The following ARHGEF3 variants were observed in gnomAD, a reference collection of about 807,000 sequenced individuals.
ARHGEF3 encodes 59.8 kDA protein.
Under a neutral mutation model 63.2 loss-of-function variants are expected in ARHGEF3, and 28 were observed. The observed-to-expected ratio is 0.44, with a 90% CI of 0.33 to 0.61. The LOEUF (loss-of-function observed/expected upper bound fraction) is 0.61, where lower values mean the gene tolerates loss of function less well. Among genes scored for constraint, ARHGEF3 ranks in the 20% least tolerant of loss-of-function variants. The pLI is 0.03. For missense variants in ARHGEF3, 533 were observed against 659.3 expected (o/e 0.81, Z 2.10); for synonymous variants, 266 against 254.2 (o/e 1.05, Z -0.44).
intron 1 of ARHGEF3, chr3:57,073,695 A>C: frequency 6.2e-7 from 1 of 1,607,126 alleles, no homozygotes; most frequent in Non-Finnish European, 8.5e-7. Context: ...CTTGGGCCCC[A>C]TGTCCAGTTC....
Position 56,841,027 on chromosome 3 carries a change from T to C in ARHGEF3, c.192+41265A>G, listed in dbSNP as rs1208774966. Among the ~76,000 whole-genome samples, 3 of 152,162 alleles carry C rather than the reference T, an allele frequency of 2.0e-5. No individual in the cohort carries two copies. In the East Asian group the frequency reaches 5.8e-4, roughly 29 times the overall value. ...AGAATATGTCACCTGATCCTAAGAA[T>C]ATTTAAATTAGCATTTTGGGATGCA... is the stretch of plus-strand genomic sequence containing the variant. On this transcript the variant is annotated intron_variant, in intron 4 of 12. Transcript: ENST00000338458.
intron 2 of ARHGEF3, among the ~76,000 whole-genome samples, chr3:56,760,047 A>T (rs78301928): frequency 0.015 from 2,244 of 152,320 alleles, 46 homozygotes; most frequent in African/African-American, 0.051. Flanking sequence ...TGGACATTAA[A>T]ATTGTTTCCA....
intron 1 of ARHGEF3, among the ~76,000 whole-genome samples, chr3:57,052,552 C>A (rs1032475265): frequency 6.6e-6 from 1 of 152,068 alleles, no homozygotes; most frequent in Non-Finnish European, 1.5e-5. Context: ...CCACTTCAGC[C>A]TCCCAAAGTG....
At chr3:56,978,386 T>C (rs1701202478) in intron 2 of ARHGEF3, among the ~76,000 whole-genome samples, 1 of 152,348 alleles carries the variant, frequency 6.6e-6, no homozygotes, top group African/African-American at 2.4e-5. Context: ...CTGTCTAAAA[T>C]TTTATGACAT....
In ARHGEF3 at chr3:56,737,201, T is replaced by C. The variant is rs775754025; in HGVS notation, c.1025A>G (p.Lys342Arg). ...SRVLCCHGEL[K>R]NNRGVKLHVF... is the part of the protein sequence containing the mutation. ...ACTACTTACCACGCCCCGATTGTTC[T>C]TCAGTTCACCATGACAACACAAGAC... is the stretch of plus-strand genomic sequence containing the variant. Residue 342 changes from lysine (K) to arginine (R), a missense_variant, in exon 8 of 10, where the codon AAG becomes AGG. Around this residue, in one of 4 missense-constraint regions of ARHGEF3, gnomAD observed 151 missense variants for 190.7 expected, o/e 0.79. Coordinates refer to ENST00000296315, the MANE Select transcript of ARHGEF3 (RefSeq NM_019555.3). The C allele has an allele frequency of 5.0e-6, 8 of 1,613,920 alleles. No homozygotes were observed. The highest frequency in any genetic ancestry group is 6.8e-6 in the Non-Finnish European group (8 of 1,179,884).
rs200721143 is a variant in ARHGEF3 at position 56,974,677 on chromosome 3, C to G, written c.63-15788G>C. On this transcript the variant is annotated intron_variant, in intron 2 of 12. Coordinates refer to the ARHGEF3 transcript ENST00000338458. ...TTCTCCCTCTCCCCTCCCCCTGCCC[C>G]CCACATCCATCTGAATCATCGCACG... 3.5e-4 allele frequency among the ~76,000 whole-genome samples: 54 copies of G among 152,288 alleles called. No individual in the cohort carries two copies. The East Asian group carries it at 0.01, about 28-fold the overall frequency.
intron 4 of ARHGEF3, among the ~76,000 whole-genome samples, chr3:56,840,526 C>T (rs1257338735): frequency 6.6e-6 from 1 of 152,202 alleles, no homozygotes; most frequent in Admixed American, 6.5e-5. Flanking sequence ...TGTTTACAGA[C>T]CGTCTCTCAC....
chr3:57,042,663 TATATATATATATATATATATATATATATA>T (rs1560155818), intron 1 of ARHGEF3, among the ~76,000 whole-genome samples: 12 of 5,434 alleles, frequency 2.2e-3, no homozygotes, highest in African/African-American at 7.1e-3. Context: ...TATATATATA[TATATATATATATATATATATATATATATA>T]TATATATATT....
chr3:56,868,685 A>C (rs1478590900), intron 4 of ARHGEF3, among the ~76,000 whole-genome samples: 1 of 152,198 alleles, frequency 6.6e-6, no homozygotes, highest in Non-Finnish European at 1.5e-5. Context: ...ATTCTAAGAG[A>C]GAAAAATATT....
intron 2 of ARHGEF3, among the ~76,000 whole-genome samples, chr3:57,015,037 G>A (rs1438777513): frequency 6.7e-6 from 1 of 149,416 alleles, no homozygotes; most frequent in Non-Finnish European, 1.5e-5. Context: ...GCAAAAGTCT[G>A]CCAACAACCT....
At chr3:56,786,930 A>G (rs1219356029) in intron 1 of ARHGEF3, among the ~76,000 whole-genome samples, 1 of 151,544 alleles carries the variant, frequency 6.6e-6, no homozygotes, top group Non-Finnish European at 1.5e-5. Context: ...TTGGCTAGCC[A>G]TTGTAGAGTC....
At chr3:57,063,377 T>C (rs1460705728) in intron 1 of ARHGEF3, among the ~76,000 whole-genome samples, 1 of 152,106 alleles carries the variant, frequency 6.6e-6, no homozygotes, top group African/African-American at 2.4e-5. Context: ...CTTCAGAAGG[T>C]TCCCTCTGAC....
intron 4 of ARHGEF3, 111 bp downstream of exon 4, chr3:56,753,393 G>T: frequency 1.1e-6 from 1 of 887,310 alleles, no homozygotes; most frequent in South Asian, 1.6e-5. Flanking sequence ...TGTGGTAGCA[G>T]ACCAGTCTTA....
At chr3:56,833,557 TCCAG>T (rs2038999945) in intron 4 of ARHGEF3, among the ~76,000 whole-genome samples, 1 of 151,896 alleles carries the variant, frequency 6.6e-6, no homozygotes, top group African/African-American at 2.4e-5. Flanking sequence ...CTGAACTGTA[TCCAG>T]CCTTCCCTAC....
intron 3 of ARHGEF3, among the ~76,000 whole-genome samples, chr3:56,909,510 T>G (rs920947941): frequency 3.9e-5 from 6 of 152,178 alleles, no homozygotes; most frequent in Non-Finnish European, 8.8e-5. Flanking sequence ...TATCAGAAGA[T>G]CACAAGCATT....
At chr3:57,021,324 A>C (rs1034393168) in intron 2 of ARHGEF3, among the ~76,000 whole-genome samples, 4 of 147,422 alleles carry the variant, frequency 2.7e-5, no homozygotes, top group Non-Finnish European at 6.0e-5. Flanking sequence ...TTAACAAAAC[A>C]AGAATGGAAT....
intron 1 of ARHGEF3, among the ~76,000 whole-genome samples, chr3:56,776,565 T>C (rs533440285): frequency 2.6e-5 from 4 of 152,332 alleles, no homozygotes; most frequent in South Asian, 2.1e-4. Flanking sequence ...TCTGTGAGAA[T>C]AGAAGATTAA....
chr3:57,057,429 A>G (rs1051889979), intron 1 of ARHGEF3, among the ~76,000 whole-genome samples: 11 of 152,042 alleles, frequency 7.2e-5, no homozygotes, highest in Non-Finnish European at 1.5e-5. Context: ...ATTTCTGTTC[A>G]TGATTTCTCA....
In ARHGEF3 at chr3:56,916,430, T is replaced by C. The variant is rs370516946; in HGVS notation, c.130-34076A>G. On this transcript the variant is annotated intron_variant, in intron 3 of 12. Transcript: ENST00000338458. ...AGGATTCTCTGAACAGGGCTGAGCA[T>C]AGTTTCCCTGAAGGAACTCCTCCCC... The C allele has an allele frequency of 2.3e-5, 34 of 1,455,060 alleles. 1 individual carries two copies. Among genetic ancestry groups the C allele is most frequent in the East Asian group, 1.6e-4 (6 of 37,490 alleles). 90.1% of individuals were successfully genotyped at this position (1,455,060 alleles called of 1,614,324 possible).
Sources: gnomAD v4.1 joint callset for allele counts (sites outside exome capture counted in the v4.1 genomes callset) on GRCh38, gnomAD v4.1.1 for gene constraint, gnomAD v4.1.1 regional missense constraint, MANE v1.5 for transcripts, NCBI Gene and HGNC (gene_info 2026-07-23, HGNC 2026-07-21) for gene names.